GPBP1L1: variants seen among roughly 807,000 people sequenced by gnomAD.
GPBP1L1 encodes the protein GC-rich promoter binding protein 1 like 1.
A neutral mutation model predicts 52.5 loss-of-function variants in GPBP1L1; 23 were observed. That is an observed-to-expected ratio of 0.44 (90% CI 0.32 to 0.62). The LOEUF is 0.62. Ranked by LOEUF, GPBP1L1 falls within the 20% of genes least tolerant of loss-of-function variation. GPBP1L1 has a pLI of 0.06. For synonymous variants in GPBP1L1, 243 were observed against 203.1 expected (o/e 1.20, Z -1.67); for missense variants, 596 against 579.3 (o/e 1.03, Z -0.30).
In GPBP1L1 at chr1:45,661,083, T is replaced by C. The variant is rs1340127442; in HGVS notation, c.-955A>G. 1 of 152,232 alleles carries C rather than the reference T, an allele frequency of 6.6e-6. No homozygotes were observed. Among genetic ancestry groups the C allele is most frequent in the East Asian group, 1.9e-4 (1 of 5,200 alleles). The allele number at this position is 152,232 out of a possible 1,614,324, so 9.4% of individuals were successfully genotyped here. On this transcript the variant is annotated 5_prime_UTR_variant, in exon 3 of 13. Transcript: ENST00000355105. ...TCTTCAGTTTTCTGTGTTTCACTTG[T>C]TCTGCTCCTTCCCAAAATCTAAATT...
At chr1:45,644,941 C>G (rs1285460763) in intron 6 of GPBP1L1, among the ~76,000 whole-genome samples, 1 of 152,160 alleles carries the variant, frequency 6.6e-6, no homozygotes, top group Non-Finnish European at 1.5e-5. Context: ...ATGATACATG[C>G]TTGTTCCTAA....
rs1557694764 is a variant in GPBP1L1 at position 45,633,658 on chromosome 1, A to G, written c.886-11T>C. On this transcript the variant is annotated splice_polypyrimidine_tract_variant and intron_variant, in intron 9 of 12. Transcript: ENST00000355105. ...GGTGCTGGAGGGACTCTGGGCAAAT[A>G]CCACAAACAGGTTGCTCCTGACAGC... The G allele has an allele frequency of 1.9e-6, 3 of 1,612,568 alleles. No individual in the cohort carries two copies. The highest frequency in any genetic ancestry group is 2.5e-6 in the Non-Finnish European group (3 of 1,179,504).
At chr1:45,670,835 C>A (rs1460443139) in intron 2 of GPBP1L1, among the ~76,000 whole-genome samples, 2 of 146,000 alleles carry the variant, frequency 1.4e-5, no homozygotes, top group African/African-American at 5.1e-5. Context: ...CTCTGTCACC[C>A]AGGCTGGAGT....
At chr1:45,664,442 T>C (rs1182169602) in intron 2 of GPBP1L1, among the ~76,000 whole-genome samples, 1 of 151,860 alleles carries the variant, frequency 6.6e-6, no homozygotes, top group Non-Finnish European at 1.5e-5. Context: ...GGTGGGCGCA[T>C]GTAGTTCCAG....
chr1:45,657,370 C>T (rs1402674102), intron 4 of GPBP1L1, among the ~76,000 whole-genome samples: 2 of 151,986 alleles, frequency 1.3e-5, no homozygotes, highest in Admixed American at 1.3e-4. Flanking sequence ...CTGTCTTCTA[C>T]AGAAAACTAC....
intron 2 of GPBP1L1, among the ~76,000 whole-genome samples, chr1:45,669,449 C>A (rs2148500047): frequency 6.6e-6 from 1 of 152,316 alleles, no homozygotes; most frequent in South Asian, 2.1e-4. Context: ...CTGTGGCCAG[C>A]CCAGGGATTT....
At chr1:45,650,985 T>C in intron 6 of GPBP1L1, 1 of 337,496 alleles carries the variant, frequency 3.0e-6, no homozygotes, top group Non-Finnish European at 6.0e-6. Flanking sequence ...TTTAGGAAAA[T>C]TTGCATTACC....
chr1:45,677,207 A>C (rs1204480288), intron 2 of GPBP1L1, among the ~76,000 whole-genome samples: 1 of 151,880 alleles, frequency 6.6e-6, no homozygotes, highest in Non-Finnish European at 1.5e-5. Context: ...ATGGTGGCGC[A>C]TGCCTGTAGT....
chr1:45,667,872 C>T (rs1373688442), intron 2 of GPBP1L1, among the ~76,000 whole-genome samples: 1 of 152,080 alleles, frequency 6.6e-6, no homozygotes, highest in Non-Finnish European at 1.5e-5. Flanking sequence ...CTCAGCCTCC[C>T]GAACAGCTGA....
chr1:45,672,051 C>T (rs767071209), intron 2 of GPBP1L1, among the ~76,000 whole-genome samples: 16 of 152,002 alleles, frequency 1.1e-4, no homozygotes, highest in East Asian at 5.8e-4. Flanking sequence ...CATAAAGATG[C>T]AATAATACCT....
chr1:45,629,266 C>G (rs1644496929), intron 12 of GPBP1L1, among the ~76,000 whole-genome samples: 1 of 152,184 alleles, frequency 6.6e-6, no homozygotes, highest in African/African-American at 2.4e-5. Flanking sequence ...CCTTAAAGAC[C>G]AAGAGCTCAG....
At chr1:45,629,860 G>T in intron 11 of GPBP1L1, 182 bp from the exon 12 acceptor site, 1 of 581,590 alleles carries the variant, frequency 1.7e-6, no homozygotes, top group Non-Finnish European at 3.1e-6. Flanking sequence ...AATAAATGGA[G>T]GCTCTTCACA....
Position 45,654,802 on chromosome 1 carries a change from C to T in GPBP1L1, c.218G>A (p.Arg73His), listed in dbSNP as rs1322629810. The T allele has an allele frequency of 1.9e-6, 3 of 1,613,980 alleles. No individual in the cohort carries two copies. Among genetic ancestry groups the T allele is most frequent in the South Asian group, 1.1e-5 (1 of 91,068 alleles). The change falls in exon 6 of 13, where the codon CGC becomes CAC. Residue 73 changes from arginine (R) to histidine (H), a missense_variant. Coordinates refer to ENST00000355105, the MANE Select transcript of GPBP1L1 (RefSeq NM_021639.5). Reference sequence around the variant, plus strand: ...GACACCAGAGTCCACAGAATCATGGCGGAACAGGGAGGGCTGGTGCCAAGA... The same window carrying T: ...GACACCAGAGTCCACAGAATCATGGTGGAACAGGGAGGGCTGGTGCCAAGA... The part of the protein sequence containing the change: ...GDSWHQPSLF[R>H]HDSVDSGVSK...
At chr1:45,684,185 G>A (rs1645249395) in intron 2 of GPBP1L1, among the ~76,000 whole-genome samples, 1 of 144,556 alleles carries the variant, frequency 6.9e-6, no homozygotes, top group Admixed American at 7.3e-5. Flanking sequence ...TTGAACCCAG[G>A]AGGCGGAGGT....
At chr1:45,656,454 T>G (rs189539456) in intron 4 of GPBP1L1, among the ~76,000 whole-genome samples, 26 of 152,330 alleles carry the variant, frequency 1.7e-4, no homozygotes, top group Admixed American at 1.5e-3. Flanking sequence ...AAAGATTTTC[T>G]CCTGTTTTCT....
chr1:45,634,838 A>G (rs1325028785), intron 8 of GPBP1L1: 2 of 152,272 alleles, frequency 1.3e-5, no homozygotes, highest in African/African-American at 4.8e-5. Flanking sequence ...CTCTGGCCAT[A>G]ACCCCAAGTA....
chr1:45,644,146 T>C (rs1446143498), intron 6 of GPBP1L1, among the ~76,000 whole-genome samples: 1 of 152,106 alleles, frequency 6.6e-6, no homozygotes, highest in Non-Finnish European at 1.5e-5. Context: ...CAAATGCAAA[T>C]GAAACTACCA....
At chr1:45,675,192 G>C (rs564358797) in intron 2 of GPBP1L1, among the ~76,000 whole-genome samples, 1 of 152,222 alleles carries the variant, frequency 6.6e-6, no homozygotes, top group East Asian at 1.9e-4. Context: ...AGCTACTTGG[G>C]AGGCTGAGGC....
intron 10 of GPBP1L1, among the ~76,000 whole-genome samples, chr1:45,633,011 G>A (rs1157585023): frequency 6.6e-6 from 1 of 152,144 alleles, no homozygotes; most frequent in Non-Finnish European, 1.5e-5. Context: ...TGATAATATC[G>A]AATACTGGTG....
Sources: allele counts gnomAD v4.1 joint callset (sites outside exome capture counted in the v4.1 genomes callset), GRCh38; gene constraint gnomAD v4.1.1; transcripts MANE v1.5; gene names NCBI Gene and HGNC (gene_info 2026-07-23, HGNC 2026-07-21).